BZW2: variants seen among roughly 807,000 people sequenced by gnomAD.
The protein encoded by BZW2 is eIF5-mimic protein 1.
A neutral mutation model predicts 53.2 loss-of-function variants in BZW2; 23 were observed. The ratio of observed to expected loss-of-function variants is 0.43; its 90% CI spans 0.31 to 0.61. BZW2 has a LOEUF of 0.61. BZW2 is among the 20% of genes least tolerant of loss of function. BZW2 has a pLI of 0.09. For synonymous variants in BZW2, 227 were observed against 186.4 expected, an observed-to-expected ratio of 1.22 and a Z score of -1.77; for missense variants, 409 against 503.1, an observed-to-expected ratio of 0.81 and a Z score of 1.79.
chr7:16,698,567 A>G (rs142172923), intron 10 of BZW2, among the ~76,000 whole-genome samples: 1 of 152,374 alleles, frequency 6.6e-6, no homozygotes, highest in East Asian at 1.9e-4. Context: ...TTTAGGTACC[A>G]TAAATCTGAC....
chr7:16,697,692 G>A (rs1783543284), intron 9 of BZW2, among the ~76,000 whole-genome samples: 1 of 152,194 alleles, frequency 6.6e-6, no homozygotes, highest in Admixed American at 6.5e-5. Flanking sequence ...TACCCACTAA[G>A]AGACCAAATA....
rs1172407347 is a variant in BZW2, at chr7:16,681,343, T to A, written c.278T>A (p.Met93Lys). ...TRIDDGDKTK[M>K]TNHCVFSANE... is the part of the protein sequence containing the mutation. ...ATAGATGATGGTGACAAGACCAAGA[T>A]GACCAACCACTGTGTGTTTTCAGCA... is the stretch of plus-strand genomic sequence containing the variant. The change falls in exon 4 of 12, where the codon ATG becomes AAG. Residue 93 changes from methionine to lysine, a missense_variant. Met to Lys is a moderately conservative substitution (Grantham distance 95). Coordinates refer to ENST00000258761, the MANE Select transcript of BZW2 (RefSeq NM_014038.3). 2 of 1,614,110 alleles carry A rather than the reference T, an allele frequency of 1.2e-6. No individual in the cohort carries two copies. Among genetic ancestry groups the A allele is most frequent in the East Asian group, 2.2e-5 (1 of 44,878 alleles).
intron 5 of BZW2, among the ~76,000 whole-genome samples, chr7:16,684,895 A>G (rs1783066994): frequency 1.3e-5 from 2 of 152,354 alleles, no homozygotes; most frequent in African/African-American, 4.8e-5. Context: ...GGGAATAGTA[A>G]GTTAATATTT....
chr7:16,666,274 T>A (rs1023982850), intron 2 of BZW2, among the ~76,000 whole-genome samples: 3 of 151,420 alleles, frequency 2.0e-5, no homozygotes, highest in African/African-American at 7.3e-5. Context: ...TTTAAAAAAA[T>A]TTTTTTGTAG....
intron 3 of BZW2, among the ~76,000 whole-genome samples, chr7:16,675,121 G>A (rs1583721547): frequency 6.6e-6 from 1 of 152,188 alleles, no homozygotes; most frequent in East Asian, 1.9e-4. Context: ...TAGAACAGAG[G>A]CATCAGGAAA....
chr7:16,689,900 G>A lies in BZW2; in HGVS notation c.645G>A (p.Arg215=). ...TGAGAAAAGCCAACTTAGACAAGAG[G>A]CTGCTTGTAAGTGTTTTCTGGTTAA... ...SSLRKANLDK[R]LLELFPVNRQ... The change falls in exon 7 of 12, where the codon AGG becomes AGA. Residue 215 remains arginine, a synonymous_variant. Coordinates refer to ENST00000258761, the MANE Select transcript of BZW2 (RefSeq NM_014038.3). The A allele has an allele frequency of 6.2e-7, 1 of 1,608,854 alleles. No homozygotes were observed. Among genetic ancestry groups the A allele is most frequent in the Non-Finnish European group, 8.5e-7 (1 of 1,177,318 alleles).
chr7:16,677,817 G>A (rs1231945435), intron 3 of BZW2, among the ~76,000 whole-genome samples: 1 of 152,092 alleles, frequency 6.6e-6, no homozygotes, highest in Admixed American at 6.5e-5. Flanking sequence ...TGCTATCAAT[G>A]CCTAAGTGAA....
intron 2 of BZW2, among the ~76,000 whole-genome samples, chr7:16,671,945 A>AAAAAAAAAAAAAAAAC (rs1782614901): frequency 6.6e-6 from 1 of 151,938 alleles, no homozygotes; most frequent in Non-Finnish European, 1.5e-5. Context: ...AAAAAAAAAA[A>AAAAAAAAAAAAAAAAC]AATCGGAACA....
Position 16,682,763 on chromosome 7 carries a change from GGTT to G in BZW2, c.340-13_340-11del, listed in dbSNP as rs1562489264. On this transcript the variant is annotated splice_polypyrimidine_tract_variant and intron_variant, in intron 4 of 11. Transcript: ENST00000258761. ...CTTTTTGGTTGACCTAATATTTAATGGTTGTTTTTTTTTTAGGTCTTCAATAAA... is the reference window on the plus strand; with the variant it reads ...CTTTTTGGTTGACCTAATATTTAATGGTTTTTTTTTTAGGTCTTCAATAAA... 4 of 1,510,692 alleles carry G rather than the reference GGTT, an allele frequency of 2.6e-6. No homozygotes were observed. Among genetic ancestry groups the G allele is most frequent in the Non-Finnish European group, 3.6e-6 (4 of 1,119,452 alleles). 93.6% of individuals were successfully genotyped at this position (1,510,692 alleles called of 1,614,324 possible).
At chr7:16,656,150 T>TATATATATATATATAC (rs143994492) in intron 1 of BZW2, among the ~76,000 whole-genome samples, 55 of 150,164 alleles carry the variant, frequency 3.7e-4, no homozygotes, top group African/African-American at 1.2e-3. Flanking sequence ...TATATATATA[T>TATATATATATATATAC]ACATAAATAT....
intron 8 of BZW2, among the ~76,000 whole-genome samples, 169 bp downstream of exon 8, chr7:16,695,173 A>T (rs1783439936): frequency 6.6e-6 from 1 of 152,204 alleles, no homozygotes; most frequent in Non-Finnish European, 1.5e-5. Context: ...TTGATTTAGA[A>T]TCCTCCATTT....
At chr7:16,664,959 G>C (rs1475923793) in intron 1 of BZW2, among the ~76,000 whole-genome samples, 3 of 152,120 alleles carry the variant, frequency 2.0e-5, no homozygotes, top group Non-Finnish European at 4.4e-5. Flanking sequence ...TGCCAACACT[G>C]AGTATTAGTA....
intron 9 of BZW2, among the ~76,000 whole-genome samples, chr7:16,697,458 A>G (rs1011633155): frequency 1.4e-4 from 21 of 152,138 alleles, no homozygotes; most frequent in East Asian, 1.9e-4. Context: ...CAGACTAAAC[A>G]TATACTTCCT....
chr7:16,676,644 G>C (rs940153462), intron 3 of BZW2, among the ~76,000 whole-genome samples: 1 of 152,168 alleles, frequency 6.6e-6, no homozygotes, highest in Non-Finnish European at 1.5e-5. Flanking sequence ...TAAGGGATGA[G>C]TATTTTCATT....
At chr7:16,666,389 T>TTTATTTA (rs1782427832) in intron 2 of BZW2, among the ~76,000 whole-genome samples, 1 of 145,926 alleles carries the variant, frequency 6.9e-6, no homozygotes, top group Admixed American at 6.8e-5. Context: ...TATAAAAGAC[T>TTTATTTA]TTTATTTATT....
chr7:16,657,200 G>A (rs1562476032), intron 1 of BZW2, among the ~76,000 whole-genome samples: 2 of 152,166 alleles, frequency 1.3e-5, no homozygotes, highest in African/African-American at 4.8e-5. Flanking sequence ...GAAAGGATAT[G>A]CATTTATTTT....
chr7:16,651,467 C>T (rs1781981798), intron 1 of BZW2, among the ~76,000 whole-genome samples: 1 of 152,078 alleles, frequency 6.6e-6, no homozygotes, highest in Non-Finnish European at 1.5e-5. Context: ...ATGGTCATTT[C>T]TAAGAAGAAA....
At chr7:16,682,880 A>G in intron 5 of BZW2, 35 bp downstream of exon 5, 1 of 1,433,480 alleles carries the variant, frequency 7.0e-7, no homozygotes, top group South Asian at 1.2e-5. Context: ...TCTGTTTTAT[A>G]GTAATGACAT....
intron 3 of BZW2, among the ~76,000 whole-genome samples, chr7:16,675,783 G>A (rs1782744981): frequency 6.6e-6 from 1 of 152,196 alleles, no homozygotes; most frequent in African/African-American, 2.4e-5. Flanking sequence ...CTTCCCTTCT[G>A]GAAATCTCTT....
Sources: allele counts gnomAD v4.1 joint callset (sites outside exome capture counted in the v4.1 genomes callset), GRCh38; gene constraint gnomAD v4.1.1; transcripts MANE v1.5; gene names NCBI Gene and HGNC (gene_info 2026-07-23, HGNC 2026-07-21).